The following SLC5A4 variants were observed in gnomAD, a reference collection of about 807,000 sequenced individuals.
SLC5A4 encodes probable glucose sensor protein SLC5A4.
SLC5A4 carries 55 observed loss-of-function variants against 70.3 expected under a neutral mutation model. That is an observed-to-expected ratio of 0.78 (90% CI 0.63 to 0.98). The LOEUF is 0.98. Among genes scored for constraint, SLC5A4 ranks in the 50% least tolerant of loss-of-function variants. SLC5A4 has a pLI of 0.00. For missense variants in SLC5A4, 735 were observed against 839.2 expected, an observed-to-expected ratio of 0.88 and a Z score of 1.53; for synonymous variants, 268 against 305.7, an observed-to-expected ratio of 0.88 and a Z score of 1.29.
At chr22:32,311,604 G>A in the SLC5A4 span, among the ~76,000 whole-genome samples, 1 of 152,182 alleles carries the variant, frequency 6.6e-6, no homozygotes, top group African/African-American at 2.4e-5. Context: ...CTCCTCTCTG[G>A]GTTTCCATAG....
chr22:32,319,837 T>G, the SLC5A4 span, among the ~76,000 whole-genome samples: 1 of 152,184 alleles, frequency 6.6e-6, no homozygotes, highest in Non-Finnish European at 1.5e-5. Flanking sequence ...GCAGTCTCCA[T>G]AAAAGCAGGC....
At chr22:32,290,161 C>T in the SLC5A4 span, among the ~76,000 whole-genome samples, 9 of 151,996 alleles carry the variant, frequency 5.9e-5, no homozygotes, top group Non-Finnish European at 8.8e-5. Context: ...ACACATGTGC[C>T]GTGGTGGTTT....
the SLC5A4 span, among the ~76,000 whole-genome samples, chr22:32,278,711 A>G: frequency 6.6e-6 from 1 of 152,240 alleles, no homozygotes; most frequent in Non-Finnish European, 1.5e-5. Flanking sequence ...GCAACAAAAA[A>G]TAAAAGTCCT....
chr22:32,261,375 C>A, the SLC5A4 span, among the ~76,000 whole-genome samples: 2 of 152,232 alleles, frequency 1.3e-5, no homozygotes, highest in African/African-American at 4.8e-5. Context: ...TTTCTCTCTG[C>A]AGCCCCTAGA....
the SLC5A4 span, among the ~76,000 whole-genome samples, chr22:32,349,375 C>A: frequency 2.6e-5 from 4 of 152,204 alleles, no homozygotes; most frequent in Non-Finnish European, 5.9e-5. Context: ...CAAGACAGAA[C>A]TGCAGATAAA....
the SLC5A4 span, among the ~76,000 whole-genome samples, chr22:32,309,505 T>C: frequency 6.6e-6 from 1 of 152,180 alleles, no homozygotes; most frequent in African/African-American, 2.4e-5. Flanking sequence ...CTTGAACTTG[T>C]CACTACCCTG....
At chr22:32,272,868 G>A in the SLC5A4 span, 39 of 510,650 alleles carry the variant, frequency 7.6e-5, 1 homozygote, top group South Asian at 5.6e-4. Context: ...CCTACTGGAG[G>A]CTGCTGATGC....
At chr22:32,265,589 A>G in the SLC5A4 span, among the ~76,000 whole-genome samples, 1 of 152,138 alleles carries the variant, frequency 6.6e-6, no homozygotes, top group South Asian at 2.1e-4. Flanking sequence ...AATGTAGGCC[A>G]CACACTTTCG....
At chr22:32,274,909 T>C in the SLC5A4 span, among the ~76,000 whole-genome samples, 1 of 145,344 alleles carries the variant, frequency 6.9e-6, no homozygotes, top group Non-Finnish European at 1.5e-5. Flanking sequence ...CTGGCCTTTC[T>C]TTAAAGTTCA....
rs144857183 is a variant in SLC5A4 at position 32,251,772 on chromosome 22, T to C, written c.310A>G (p.Thr104Ala). The C allele has an allele frequency of 6.9e-6, 11 of 1,587,476 alleles. No homozygotes were observed. Among genetic ancestry groups the C allele is most frequent in the African/African-American group, 1.3e-5 (1 of 74,378 alleles). The change falls in exon 3 of 15, where the codon ACT (threonine) becomes GCT (alanine). Residue 104 changes from threonine to alanine, a missense_variant and splice_region_variant. Coordinates refer to ENST00000266086, the MANE Select transcript of SLC5A4 (RefSeq NM_014227.3). ...SGVATVTFEW[T>A]SSVMLLILGW... ...AAAAAGCCTATGATGTCACTTACAG[T>C]CCATTCAAATGTTACGGTGGCGACT...
chr22:32,315,335 G>C, the SLC5A4 span, among the ~76,000 whole-genome samples: 2 of 152,110 alleles, frequency 1.3e-5, no homozygotes, highest in Admixed American at 1.3e-4. Context: ...GAGAAGGAGA[G>C]AGGTAATACA....
the SLC5A4 span, among the ~76,000 whole-genome samples, chr22:32,299,940 G>C: frequency 2.0e-5 from 1 of 49,502 alleles, no homozygotes; most frequent in Non-Finnish European, 4.7e-5. Context: ...TGCCCCTGCT[G>C]GGGGGTGCCT....
chr22:32,275,632 G>T, the SLC5A4 span, among the ~76,000 whole-genome samples: 1 of 152,174 alleles, frequency 6.6e-6, no homozygotes, highest in Non-Finnish European at 1.5e-5. Context: ...GGACATTTGG[G>T]TTGGTTCCAA....
At chr22:32,337,412 T>C in the SLC5A4 span, among the ~76,000 whole-genome samples, 2 of 152,176 alleles carry the variant, frequency 1.3e-5, no homozygotes, top group African/African-American at 2.4e-5. Flanking sequence ...CACAGGTCTG[T>C]AGTCCCAGCT....
chr22:32,332,112 C>T, the SLC5A4 span, among the ~76,000 whole-genome samples: 1 of 152,098 alleles, frequency 6.6e-6, no homozygotes, highest in African/African-American at 2.4e-5. Flanking sequence ...TCGGCCAAGC[C>T]GCAGACATGG....
intron 4 of SLC5A4, among the ~76,000 whole-genome samples, chr22:32,248,044 A>G (rs935983193): frequency 1.3e-5 from 2 of 152,164 alleles, no homozygotes; most frequent in Admixed American, 6.5e-5. Context: ...CAGGGGCACC[A>G]TTGATTTCCC....
At chr22:32,233,652 G>A (rs1264311404) in intron 8 of SLC5A4, among the ~76,000 whole-genome samples, 1 of 152,026 alleles carries the variant, frequency 6.6e-6, no homozygotes, top group African/African-American at 2.4e-5. Flanking sequence ...TAATTAGCAA[G>A]AAAATTCAAA....
intron 5 of SLC5A4, 141 bp downstream of exon 5, chr22:32,247,270 A>G: frequency 1.6e-6 from 1 of 623,270 alleles, no homozygotes; most frequent in Non-Finnish European, 2.9e-6. Flanking sequence ...TTGAAGAGAC[A>G]GTCCTGAGAA....
the SLC5A4 span, among the ~76,000 whole-genome samples, chr22:32,347,863 A>C: frequency 1.3e-5 from 2 of 152,106 alleles, no homozygotes; most frequent in Admixed American, 1.3e-4. Context: ...AATAATAATA[A>C]AATTAAAAAA....
Sources: gnomAD v4.1 joint callset for allele counts (sites outside exome capture counted in the v4.1 genomes callset) on GRCh38, gnomAD v4.1.1 for gene constraint, MANE v1.5 for transcripts, NCBI Gene and HGNC (gene_info 2026-07-23, HGNC 2026-07-21) for gene names.